Variants in ZNF75D observed in about 807,000 individuals in gnomAD.
The protein encoded by ZNF75D is zinc finger protein 75D, also known as zinc finger protein 75.
In ZNF75D, 33 loss-of-function variants were observed where a neutral mutation model predicts 33.3. That is an observed-to-expected ratio of 0.99 (90% CI 0.75 to 1.32). The LOEUF (loss-of-function observed/expected upper bound fraction) is 1.32. ZNF75D is among the 40% of genes most tolerant of loss of function. ZNF75D has a pLI of 0.00. For synonymous variants in ZNF75D, 113 were observed against 130.6 expected (o/e 0.87, Z 0.92); for missense variants, 338 against 367.5 (o/e 0.92, Z 0.66).
chrX:135,322,527 GAGAT>G (rs1357882688), intron 1 of ZNF75D, among the ~76,000 whole-genome samples: 58 of 112,158 alleles, frequency 5.2e-4, no homozygotes, highest in African/African-American at 1.8e-3. Flanking sequence ...TATTTATAGA[GAGAT>G]AGATAGGTAG....
intron 1 of ZNF75D, among the ~76,000 whole-genome samples, chrX:135,272,927 T>C (rs1333294117): frequency 8.9e-6 from 1 of 111,816 alleles, no homozygotes; most frequent in Non-Finnish European, 1.9e-5. Flanking sequence ...AATCTGGCTC[T>C]TGAGCCCCTA....
chrX:135,291,614 T>A (rs1269016679), intron 4 of ZNF75D, 51 bp from the exon 5 acceptor site: 1 of 1,180,090 alleles, frequency 8.5e-7, no homozygotes, highest in Non-Finnish European at 1.1e-6. Context: ...TTTACAAACA[T>A]CCCAAGCTGA....
rs782142900 is a variant in ZNF75D, at chrX:135,313,263, G to A, written c.-390-17224C>T. Among the ~76,000 whole-genome samples the A allele has an allele frequency of 8.1e-5, 9 of 111,679 alleles. No homozygotes were observed. In the South Asian group the frequency reaches 2.6e-3, roughly 32 times the overall value. ...TTAAAGAGGGTGTCATTTCCTCAGT[G>A]CATGTTGTTGGTGCCTTTGTTGAAA... is the stretch of plus-strand genomic sequence containing the variant. On this transcript the variant is annotated intron_variant, in intron 1 of 6. Coordinates refer to ENST00000370766, the MANE Select transcript of ZNF75D (RefSeq NM_007131.5).
At chrX:135,320,967 T>C (rs1479385913) in intron 1 of ZNF75D, among the ~76,000 whole-genome samples, 2 of 111,546 alleles carry the variant, frequency 1.8e-5, no homozygotes, top group Non-Finnish European at 3.8e-5. Flanking sequence ...CATTTTGTGC[T>C]GCTATAACAG....
At chrX:135,295,552 G>A (rs1241053026) in intron 2 of ZNF75D, among the ~76,000 whole-genome samples, 1 of 111,847 alleles carries the variant, frequency 8.9e-6, no homozygotes, top group African/African-American at 3.3e-5. Flanking sequence ...AGGAGCCTGC[G>A]GCCAGGCGGC....
chrX:135,306,459 C>T (rs1307945680), intron 1 of ZNF75D, among the ~76,000 whole-genome samples: 1 of 112,181 alleles, frequency 8.9e-6, no homozygotes, highest in African/African-American at 3.2e-5. Flanking sequence ...ACATGTCTAT[C>T]AATTCCTGTT....
intron 1 of ZNF75D, among the ~76,000 whole-genome samples, chrX:135,308,014 G>A (rs1402318867): frequency 8.9e-6 from 1 of 112,517 alleles, no homozygotes; most frequent in Admixed American, 9.3e-5. Context: ...GACAAGCTCT[G>A]AGGCCAGGAT....
intron 1 of ZNF75D, among the ~76,000 whole-genome samples, chrX:135,309,907 G>C (rs781790416): frequency 9.0e-6 from 1 of 111,731 alleles, no homozygotes; most frequent in African/African-American, 3.3e-5. Context: ...CTCAGACACA[G>C]AGCAGAGAGT....
intron 4 of ZNF75D, 116 bp from the exon 5 acceptor site, chrX:135,291,679 A>AGT (rs1346312088): frequency 8.7e-6 from 9 of 1,038,587 alleles, no homozygotes; most frequent in Non-Finnish European, 1.2e-5. Flanking sequence ...CACATTGACA[A>AGT]GTGTGTGTGT....
In ZNF75D at chrX:135,287,164, CCTT is replaced by C. The variant is rs1273316595; in HGVS notation, c.1503_1505del (p.Arg502del). The C allele has an allele frequency of 1.7e-6, 2 of 1,206,729 alleles. No individual in the cohort carries two copies. Among genetic ancestry groups the C allele is most frequent in the African/African-American group, 3.5e-5 (2 of 57,024 alleles). Reference sequence around the variant, plus strand: ...AGTTTGGAGACACTAGACATGCTTCCCTTCTTCTGTGGAGTTTCTGGTGTCTAA... The same window carrying C: ...AGTTTGGAGACACTAGACATGCTTCCCTTCTGTGGAGTTTCTGGTGTCTAA... On this transcript the variant is annotated inframe_deletion, in exon 7 of 7. Transcript: ENST00000370766.
At chrX:135,264,579 T>C (rs1195570037) in intron 1 of ZNF75D, among the ~76,000 whole-genome samples, 1 of 111,611 alleles carries the variant, frequency 9.0e-6, no homozygotes, top group East Asian at 2.8e-4. Context: ...GAAACAGAGA[T>C]ATGTGGCATT....
At chrX:135,322,128 G>A (rs2084504145) in intron 1 of ZNF75D, among the ~76,000 whole-genome samples, 1 of 111,859 alleles carries the variant, frequency 8.9e-6, no homozygotes, top group African/African-American at 3.3e-5. Flanking sequence ...GCTACTAAGT[G>A]GCCTGGACAC....
chrX:135,312,690 C>T (rs1556428994), intron 1 of ZNF75D, among the ~76,000 whole-genome samples: 2 of 107,593 alleles, frequency 1.9e-5, no homozygotes, highest in African/African-American at 6.8e-5. Context: ...TTAATAGTAG[C>T]CATTCAAACT....
chrX:135,275,181 A>G (rs1045255862), intron 1 of ZNF75D, among the ~76,000 whole-genome samples: 1 of 112,630 alleles, frequency 8.9e-6, no homozygotes, highest in Non-Finnish European at 1.9e-5. Flanking sequence ...TAACATTTTC[A>G]TAGTTAAAGC....
chrX:135,270,204 G>A (rs782805478), intron 1 of ZNF75D, among the ~76,000 whole-genome samples: 20 of 108,096 alleles, frequency 1.9e-4, no homozygotes, highest in South Asian at 8.0e-4. Context: ...GGGGATCATA[G>A]TTGATAATAA....
At chrX:135,315,079 T>A (rs921409716) in intron 1 of ZNF75D, among the ~76,000 whole-genome samples, 3 of 112,390 alleles carry the variant, frequency 2.7e-5, no homozygotes, top group Non-Finnish European at 5.6e-5. Context: ...CCTTTATTGT[T>A]ATAAATTTCT....
At chrX:135,264,785 C>T (rs2083856499) in intron 1 of ZNF75D, among the ~76,000 whole-genome samples, 1 of 110,467 alleles carries the variant, frequency 9.1e-6, no homozygotes, top group Non-Finnish European at 1.9e-5. Flanking sequence ...CAGAATTTAT[C>T]AAGCAGAAGA....
chrX:135,286,907 T>C lies in ZNF75D; in HGVS notation c.*230A>G, dbSNP rs1400904689. ...TAGATAGATAGCTAAAGGAATCTCA[T>C]CACTACACTTTCATTTTTTTATTTA... On this transcript the variant is annotated 3_prime_UTR_variant, in exon 7 of 7. Transcript: ENST00000370766. 1.3e-5 allele frequency: 5 copies of C among 393,046 alleles called. No individual in the cohort carries two copies. The highest frequency in any genetic ancestry group is 2.2e-5 in the Non-Finnish European group (5 of 231,106). 32.4% of individuals were successfully genotyped at this position (393,046 alleles called of 1,213,427 possible).
At position 135,285,973 on chromosome X, in the gene ZNF75D, ATCTTC is replaced by A. The variant is rs1397914811; in HGVS notation, c.*1159_*1163del. 2 of 112,506 alleles carry A rather than the reference ATCTTC, an allele frequency of 1.8e-5. No individual in the cohort carries two copies. Among genetic ancestry groups the A allele is most frequent in the South Asian group, 3.7e-4 (1 of 2,700 alleles). 9.3% of individuals were successfully genotyped at this position (112,506 alleles called of 1,213,427 possible). The stretch of plus-strand genomic sequence containing the variant: ...TTCCAACTTCCCTTGACGTCACATT[ATCTTC>A]TCTTAAGAGATAGTCACTTTGGCTA... On this transcript the variant is annotated 3_prime_UTR_variant, in exon 7 of 7. Transcript: ENST00000370766.
Sources: allele counts gnomAD v4.1 joint callset (sites outside exome capture counted in the v4.1 genomes callset), GRCh38; gene constraint gnomAD v4.1.1; transcripts MANE v1.5; gene names NCBI Gene and HGNC (gene_info 2026-07-23, HGNC 2026-07-21).